Variants in FAM151B observed in about 807,000 individuals in gnomAD.
The protein encoded by FAM151B is protein FAM151B.
In FAM151B, 24 loss-of-function variants were observed where a neutral mutation model predicts 31.2. The observed-to-expected ratio is 0.77, with a 90% confidence interval of 0.56 to 1.08. The LOEUF is 1.08. Ranked by LOEUF, FAM151B falls within the 50% of genes least tolerant of loss-of-function variation. The pLI, the probability that FAM151B is intolerant of heterozygous loss-of-function variation, is 0.00. For synonymous variants in FAM151B, 105 were observed against 111.4 expected, an observed-to-expected ratio of 0.94 and a Z score of 0.36; for missense variants, 293 against 328.6, an observed-to-expected ratio of 0.89 and a Z score of 0.84.
Position 80,514,300 on chromosome 5 carries a change from C to T in FAM151B, c.317+531C>T, listed in dbSNP as rs146446211. Among the ~76,000 whole-genome samples the T allele has an allele frequency of 1.2e-3, 176 of 151,994 alleles. 1 individual carries two copies. The highest frequency in any genetic ancestry group is 1.8e-3 in the Non-Finnish European group (120 of 67,996). On this transcript the variant is annotated intron_variant, in intron 3 of 5. Transcript: ENST00000282226. The stretch of plus-strand genomic sequence containing the variant: ...GACCAGCCTGACCAAAATGGCGAAA[C>T]GCCACCTCTACTAAAAATACAAAAA...
intron 1 of FAM151B, among the ~76,000 whole-genome samples, chr5:80,494,427 TTCTG>T (rs1430886413): frequency 2.6e-5 from 4 of 151,872 alleles, no homozygotes; most frequent in African/African-American, 9.7e-5. Context: ...TTTTCTTTCT[TTCTG>T]TCTTTCTTTC....
chr5:80,528,281 G>A (rs1458683694), intron 5 of FAM151B, among the ~76,000 whole-genome samples: 1 of 152,048 alleles, frequency 6.6e-6, no homozygotes, highest in East Asian at 1.9e-4. Context: ...CTAAAAGGAA[G>A]AAAGGAAGGG....
rs141200182 is a variant in FAM151B, at chr5:80,539,407, G to A, written c.672-2266G>A. On this transcript the variant is annotated intron_variant, in intron 5 of 5. Transcript: ENST00000282226. ...CTCAATTCCCGTTGTCTTTTTGTTC[G>A]CTTTGAATAACTTTGCCTCTTCCTT... 5.2e-3 allele frequency among the ~76,000 whole-genome samples: 792 copies of A among 151,686 alleles called. 4 individuals are homozygous for A. The highest frequency in any genetic ancestry group is 0.018 in the African/African-American group (746 of 41,328).
chr5:80,493,803 G>C (rs913667675), intron 1 of FAM151B, among the ~76,000 whole-genome samples: 2 of 152,086 alleles, frequency 1.3e-5, no homozygotes, highest in African/African-American at 4.8e-5. Flanking sequence ...GTGCACAGCG[G>C]GACATAGACC....
intron 5 of FAM151B, among the ~76,000 whole-genome samples, chr5:80,525,138 G>C (rs1010780983): frequency 1.3e-5 from 2 of 152,180 alleles, no homozygotes; most frequent in African/African-American, 4.8e-5. Flanking sequence ...CAATCACCTT[G>C]TGATGTGCTC....
intron 1 of FAM151B, among the ~76,000 whole-genome samples, chr5:80,489,677 C>A (rs1743240023): frequency 6.6e-6 from 1 of 152,204 alleles, no homozygotes; most frequent in Non-Finnish European, 1.5e-5. Flanking sequence ...GTAATCCCAG[C>A]ACTTTGGGAG....
At chr5:80,541,074 A>C (rs1483926474) in intron 5 of FAM151B, among the ~76,000 whole-genome samples, 1 of 152,230 alleles carries the variant, frequency 6.6e-6, no homozygotes, top group Admixed American at 6.5e-5. Flanking sequence ...TAACATTCTG[A>C]GCATATTCTT....
intron 1 of FAM151B, among the ~76,000 whole-genome samples, chr5:80,494,468 C>CT (rs778187542): frequency 0.042 from 1,814 of 43,562 alleles, 39 homozygotes; most frequent in Middle Eastern, 0.056. Flanking sequence ...TTCTTTCTTT[C>CT]TTTCTTTCTT....
intron 5 of FAM151B, among the ~76,000 whole-genome samples, chr5:80,523,648 G>T (rs1280729112): frequency 6.6e-6 from 1 of 152,122 alleles, no homozygotes; most frequent in Non-Finnish European, 1.5e-5. Flanking sequence ...TATAGATAAT[G>T]CAGGAGACCC....
intron 5 of FAM151B, among the ~76,000 whole-genome samples, chr5:80,539,272 A>G (rs1580465518): frequency 6.6e-6 from 1 of 151,668 alleles, no homozygotes; most frequent in Non-Finnish European, 1.5e-5. Flanking sequence ...TCCTTTTTAA[A>G]TGTTCATGAT....
chr5:80,537,029 T>G (rs998043890), intron 5 of FAM151B, among the ~76,000 whole-genome samples: 1 of 152,158 alleles, frequency 6.6e-6, no homozygotes, highest in African/African-American at 2.4e-5. Context: ...TAAAAATAAC[T>G]AAAAGGGTAT....
At chr5:80,526,486 G>A (rs1484434524) in intron 5 of FAM151B, among the ~76,000 whole-genome samples, 1 of 151,456 alleles carries the variant, frequency 6.6e-6, no homozygotes, top group African/African-American at 2.4e-5. Context: ...CATGCATGAT[G>A]GCAGGTGCCT....
At position 80,541,668 on chromosome 5, in the gene FAM151B, T is replaced by G; in HGVS notation, c.672-5T>G. The stretch of plus-strand genomic sequence containing the variant: ...ACTGTATAATTCTGTTTTATTTCAA[T>G]GCAGGTACAGCCTGACTATTTGGAC... On this transcript the variant is annotated splice_polypyrimidine_tract_variant and splice_region_variant and intron_variant, in intron 5 of 5. Transcript: ENST00000282226. 1 of 1,612,662 alleles carries G rather than the reference T, an allele frequency of 6.2e-7. No individual in the cohort carries two copies. Among genetic ancestry groups the G allele is most frequent in the South Asian group, 1.1e-5 (1 of 90,686 alleles).
At chr5:80,504,271 C>G (rs2112610712) in intron 2 of FAM151B, among the ~76,000 whole-genome samples, 1 of 152,196 alleles carries the variant, frequency 6.6e-6, no homozygotes, top group South Asian at 2.1e-4. Flanking sequence ...AATATCCAAT[C>G]ATTATGATTC....
intron 3 of FAM151B, among the ~76,000 whole-genome samples, chr5:80,518,149 A>G (rs1009847816): frequency 2.6e-5 from 4 of 152,082 alleles, no homozygotes; most frequent in Admixed American, 6.6e-5. Flanking sequence ...CTCTATGTCA[A>G]CTTACTAAAT....
At chr5:80,538,924 T>G (rs1745735487) in intron 5 of FAM151B, among the ~76,000 whole-genome samples, 1 of 151,886 alleles carries the variant, frequency 6.6e-6, no homozygotes, top group Non-Finnish European at 1.5e-5. Context: ...CAAAAGATGT[T>G]ATGGTATGTC....
In FAM151B at chr5:80,501,882, C is replaced by T. The variant is rs1184725288; in HGVS notation, c.116C>T (p.Ala39Val). The T allele has an allele frequency of 1.9e-6, 3 of 1,604,048 alleles. No homozygotes were observed. Among genetic ancestry groups the T allele is most frequent in the East Asian group, 2.2e-5 (1 of 44,542 alleles). Residue 39 changes from alanine to valine, a missense_variant, in exon 2 of 6, where the codon GCT becomes GTT. Transcript: ENST00000282226. ...DGAEITWYHA[A>V]NHKAQTNEAL... ...GCTGAGATCACCTGGTATCATGCAG[C>T]TAACCACAAGGCACAAACAAATGAG...
intron 1 of FAM151B, among the ~76,000 whole-genome samples, chr5:80,498,299 A>G (rs898151243): frequency 2.0e-5 from 3 of 152,038 alleles, no homozygotes; most frequent in Non-Finnish European, 4.4e-5. Context: ...TGCTTTGGGG[A>G]TAGTGGATCC....
At chr5:80,530,622 A>C (rs2112662332) in intron 5 of FAM151B, among the ~76,000 whole-genome samples, 1 of 152,324 alleles carries the variant, frequency 6.6e-6, no homozygotes, top group East Asian at 1.9e-4. Flanking sequence ...ATCATGAGTG[A>C]ACTTCCATTC....
Sources: allele counts gnomAD v4.1 joint callset (sites outside exome capture counted in the v4.1 genomes callset), GRCh38; gene constraint gnomAD v4.1.1; transcripts MANE v1.5; gene names NCBI Gene and HGNC (gene_info 2026-07-23, HGNC 2026-07-21).